Variants in SGIP1 observed in about 807,000 individuals in gnomAD.
SGIP1 encodes the protein SH3GL interacting endocytic adaptor 1, also known as SH3-containing GRB2-like protein 3-interacting protein 1.
A neutral mutation model predicts 107.5 loss-of-function variants in SGIP1; 38 were observed. That is an observed-to-expected ratio of 0.35 (90% CI 0.27 to 0.46). The LOEUF (loss-of-function observed/expected upper bound fraction) is 0.46. Ranked by LOEUF, SGIP1 falls within the 20% of genes least tolerant of loss-of-function variation. SGIP1 has a pLI of 1.00. For missense variants in SGIP1, 929 were observed against 1,019.5 expected, an observed-to-expected ratio of 0.91 and a Z score of 1.21; for synonymous variants, 365 against 366.1, an observed-to-expected ratio of 1.00 and a Z score of 0.03.
intron 1 of SGIP1, among the ~76,000 whole-genome samples, chr1:66,596,362 T>A (rs528797654): frequency 6.6e-6 from 1 of 152,146 alleles, no homozygotes; most frequent in African/African-American, 2.4e-5. Flanking sequence ...GGCAGGAAAG[T>A]CCCCTGTGTG....
At chr1:66,541,484 A>G (rs546439311) in intron 1 of SGIP1, among the ~76,000 whole-genome samples, 2 of 152,344 alleles carry the variant, frequency 1.3e-5, no homozygotes, top group Admixed American at 1.3e-4. Flanking sequence ...TCCAAGCCCA[A>G]AGTTACAGCT....
intron 11 of SGIP1, among the ~76,000 whole-genome samples, chr1:66,672,814 C>A (rs866493576): frequency 6.6e-5 from 10 of 151,828 alleles, no homozygotes; most frequent in African/African-American, 1.7e-4. Flanking sequence ...TGAAACTTCT[C>A]GGTGGCTTTT....
intron 15 of SGIP1, among the ~76,000 whole-genome samples, chr1:66,682,645 C>T (rs2087024911): frequency 6.6e-6 from 1 of 152,046 alleles, no homozygotes; most frequent in Non-Finnish European, 1.5e-5. Context: ...TAAAACAAAG[C>T]TGTCATGCCA....
chr1:66,605,813 C>A (rs1426957376), intron 1 of SGIP1, among the ~76,000 whole-genome samples: 2 of 152,124 alleles, frequency 1.3e-5, no homozygotes, highest in African/African-American at 4.8e-5. Flanking sequence ...CTGATTATGT[C>A]TGTGGTTCAA....
In SGIP1 at chr1:66,689,354, C is replaced by T. The variant is rs144975339; in HGVS notation, c.1443+79C>T. 273 of 1,519,038 alleles carry T rather than the reference C, an allele frequency of 1.8e-4. 2 individuals carry two copies. In the East Asian group the frequency reaches 5.0e-3, roughly 28 times the overall value. 94.1% of individuals were successfully genotyped at this position (1,519,038 alleles called of 1,614,324 possible). A position where few individuals can be genotyped will look rare whatever the true frequency, so the allele number is the denominator to read the frequency against. On this transcript the variant is annotated intron_variant, in intron 16 of 24. Transcript: ENST00000371037. ...AGCTCCAAATGCCTTCAGGTCTAAGCGTTTAGAGAACTCGTACAAACAACC... is the reference window on the plus strand; with the variant it reads ...AGCTCCAAATGCCTTCAGGTCTAAGTGTTTAGAGAACTCGTACAAACAACC...
chr1:66,608,407 T>G (rs1316966907), intron 1 of SGIP1, among the ~76,000 whole-genome samples: 2 of 152,248 alleles, frequency 1.3e-5, no homozygotes, highest in Non-Finnish European at 2.9e-5. Flanking sequence ...AATACATTTC[T>G]TAAGCAAAAA....
In SGIP1 at chr1:66,582,277, G is replaced by T. The variant is rs750620065; in HGVS notation, c.11-43570G>T. Reference sequence around the variant, plus strand: ...TGTAAAACATTATTTGTATAACATTGCCTCTGAAAATGAAAACCTTTGCTC... The same window carrying T: ...TGTAAAACATTATTTGTATAACATTTCCTCTGAAAATGAAAACCTTTGCTC... On this transcript the variant is annotated intron_variant, in intron 1 of 24. Coordinates refer to ENST00000371037, the MANE Select transcript of SGIP1 (RefSeq NM_032291.4). Among the ~76,000 whole-genome samples the T allele has an allele frequency of 8.5e-4, 130 of 152,078 alleles. 2 individuals are homozygous for T. Among genetic ancestry groups the T allele is most frequent in the Non-Finnish European group, 2.4e-4 (16 of 67,956 alleles).
Position 66,554,752 on chromosome 1 carries a change from T to C in SGIP1, c.10+20384T>C, listed in dbSNP as rs143031909. Among the ~76,000 whole-genome samples, 1,139 of 152,204 alleles carry C rather than the reference T, an allele frequency of 7.5e-3. 10 individuals carry two copies. The highest frequency in any genetic ancestry group is 0.026 in the African/African-American group (1,071 of 41,548). The stretch of plus-strand genomic sequence containing the variant: ...TTCAAAAATCTGAAAAAATTCAGAA[T>C]CTAAGACACTTCTGGGTCCCAAGCA... On this transcript the variant is annotated intron_variant, in intron 1 of 24. Coordinates refer to ENST00000371037, the MANE Select transcript of SGIP1 (RefSeq NM_032291.4).
chr1:66,670,386 GAAT>G (rs950655264), intron 9 of SGIP1, among the ~76,000 whole-genome samples: 99 of 152,330 alleles, frequency 6.5e-4, no homozygotes, highest in African/African-American at 2.2e-3. Context: ...TCCAATTCAT[GAAT>G]TGATGGGCCT....
intron 1 of SGIP1, among the ~76,000 whole-genome samples, chr1:66,537,057 T>C (rs1232338257): frequency 6.6e-6 from 1 of 152,208 alleles, no homozygotes; most frequent in Non-Finnish European, 1.5e-5. Context: ...TCATAGATGA[T>C]AAATGTTACT....
At chr1:66,536,730 C>T (rs1327018711) in intron 1 of SGIP1, among the ~76,000 whole-genome samples, 1 of 152,150 alleles carries the variant, frequency 6.6e-6, no homozygotes, top group African/African-American at 2.4e-5. Context: ...TGCTACCAAA[C>T]ATCTAGTTAA....
chr1:66,679,041 C>T (rs987243925), intron 13 of SGIP1, among the ~76,000 whole-genome samples: 2 of 152,204 alleles, frequency 1.3e-5, no homozygotes, highest in African/African-American at 2.4e-5. Flanking sequence ...TGAATCTCTT[C>T]GTAGGGACCA....
chr1:66,670,165 G>T (rs1480692681), intron 9 of SGIP1, among the ~76,000 whole-genome samples: 5 of 152,110 alleles, frequency 3.3e-5, no homozygotes, highest in Non-Finnish European at 4.4e-5. Flanking sequence ...CAACCATCCT[G>T]GTGGTCTAGT....
intron 9 of SGIP1, among the ~76,000 whole-genome samples, chr1:66,668,176 C>G (rs993931115): frequency 6.6e-6 from 1 of 151,984 alleles, no homozygotes; most frequent in South Asian, 2.1e-4. Flanking sequence ...TCGTTTTCCT[C>G]AAGTTGAAAA....
At chr1:66,693,299 C>A (rs1557652757) in intron 17 of SGIP1, among the ~76,000 whole-genome samples, 2 of 98,050 alleles carry the variant, frequency 2.0e-5, no homozygotes, top group Non-Finnish European at 4.4e-5. Flanking sequence ...ACAGTAATTT[C>A]TTTTGCACTA....
At chr1:66,545,853 C>A (rs2056266011) in intron 1 of SGIP1, among the ~76,000 whole-genome samples, 1 of 152,084 alleles carries the variant, frequency 6.6e-6, no homozygotes. Context: ...AATTACTATT[C>A]TCTTTTAGGC....
chr1:66,597,794 A>G (rs2065009419), intron 1 of SGIP1, among the ~76,000 whole-genome samples: 1 of 152,186 alleles, frequency 6.6e-6, no homozygotes, highest in Non-Finnish European at 1.5e-5. Context: ...AAAGGATTTT[A>G]CGCATTAACG....
At position 66,539,050 on chromosome 1, in the gene SGIP1, G is replaced by A. The variant is rs558632390; in HGVS notation, c.10+4682G>A. Among the ~76,000 whole-genome samples the A allele has an allele frequency of 4.6e-5, 7 of 152,230 alleles. No individual in the cohort carries two copies. The South Asian group carries it at 1.2e-3, about 27-fold the overall frequency. On this transcript the variant is annotated intron_variant, in intron 1 of 24. Coordinates refer to ENST00000371037, the MANE Select transcript of SGIP1 (RefSeq NM_032291.4). ...TCAATTCAATTTTATCATACAAACT[G>A]CTTTTAAATTATGAGTAAAGTCATG...
rs869266510 is a variant in SGIP1 at position 66,683,700 on chromosome 1, C to CTTTT, written c.1315+1356_1315+1359dup. ...ACCACACTGTTTGTTTGTTTCTTTT[C>CTTTT]TTTTTTTTTTTTTTTTTTTTTTTTT... On this transcript the variant is annotated intron_variant, in intron 15 of 24. Transcript: ENST00000371037. 4.3e-3 allele frequency among the ~76,000 whole-genome samples: 263 copies of CTTTT among 61,428 alleles called. 2 individuals carry two copies. Among genetic ancestry groups the CTTTT allele is most frequent in the Non-Finnish European group, 5.8e-3 (191 of 33,120 alleles). 40.3% of individuals were successfully genotyped at this position (61,428 alleles called of 152,430 possible).
Sources: allele counts gnomAD v4.1 joint callset (sites outside exome capture counted in the v4.1 genomes callset), GRCh38; gene constraint gnomAD v4.1.1; transcripts MANE v1.5; gene names NCBI Gene and HGNC (gene_info 2026-07-23, HGNC 2026-07-21).